PLA2G4D: variants seen among roughly 807,000 people sequenced by gnomAD.
The protein encoded by PLA2G4D is phospholipase A2 group IVD, also known as cytosolic phospholipase A2 delta.
Under a neutral mutation model 94.4 loss-of-function variants are expected in PLA2G4D, and 80 were observed. The observed-to-expected ratio is 0.85, with a 90% CI of 0.71 to 1.02. The LOEUF is 1.02. Among genes scored for constraint, PLA2G4D ranks in the 50% least tolerant of loss-of-function variants. The pLI, the probability that PLA2G4D is intolerant of heterozygous loss-of-function variation, is 0.00. For missense variants in PLA2G4D, 1,050 were observed against 1,034.7 expected, an observed-to-expected ratio of 1.01 and a Z score of -0.20; for synonymous variants, 438 against 440.9, an observed-to-expected ratio of 0.99 and a Z score of 0.08.
rs1044369099 is a variant in PLA2G4D, at chr15:42,082,199, T to G, written c.783+80A>C. ...CGCCTGCCTTGGCCTCCCAAAGTGC[T>G]GGGATTACAGGCTTGAGCCACAGAG... On this transcript the variant is annotated intron_variant, in intron 9 of 19. Transcript: ENST00000290472. The G allele has an allele frequency of 6.3e-6, 8 of 1,261,128 alleles. No homozygotes were observed. In the Admixed American group the frequency reaches 1.5e-4, roughly 24 times the overall value. The allele number at this position is 1,261,128 out of a possible 1,614,324, so 78.1% of individuals were successfully genotyped here. A position where few individuals can be genotyped will look rare whatever the true frequency, so the allele number is the denominator to read the frequency against.
intron 13 of PLA2G4D, among the ~76,000 whole-genome samples, chr15:42,078,748 C>T (rs1249454364): frequency 6.6e-6 from 1 of 152,084 alleles, no homozygotes; most frequent in Non-Finnish European, 1.5e-5. Context: ...AAAGATGAGT[C>T]CTTCTGCTAC....
Position 42,070,630 on chromosome 15 carries a change from G to A in PLA2G4D, c.2043+87C>T. 2.1e-6 allele frequency: 3 copies of A among 1,422,794 alleles called. No individual in the cohort carries two copies. In the South Asian group the frequency reaches 4.1e-5, roughly 20 times the overall value. 88.1% of individuals were successfully genotyped at this position (1,422,794 alleles called of 1,614,324 possible). A position where few individuals can be genotyped will look rare whatever the true frequency, so the allele number is the denominator to read the frequency against. ...TCCTTCCCTTCGGGACCCCGGCGGT[G>A]TGGGGCAGGGGCTCAGTGGCCCTGC... On this transcript the variant is annotated intron_variant, in intron 18 of 19. Coordinates refer to ENST00000290472, the MANE Select transcript of PLA2G4D (RefSeq NM_178034.4).
intron 13 of PLA2G4D, among the ~76,000 whole-genome samples, chr15:42,073,845 C>G (rs185287165): frequency 4.6e-5 from 7 of 152,192 alleles, no homozygotes; most frequent in African/African-American, 1.7e-4. Flanking sequence ...ACTCAACACA[C>G]CCAGTGTGTG....
intron 15 of PLA2G4D, 109 bp downstream of exon 15, chr15:42,071,665 C>T: frequency 8.0e-7 from 1 of 1,247,306 alleles, no homozygotes; most frequent in South Asian, 1.3e-5. Flanking sequence ...TCCCCCCCGC[C>T]ACCCCTCCCC....
At chr15:42,072,062 G>A in intron 14 of PLA2G4D, 151 bp from the exon 15 acceptor site, 1 of 1,152,558 alleles carries the variant, frequency 8.7e-7, no homozygotes, top group Admixed American at 2.5e-5. Flanking sequence ...GGGCAGTCCT[G>A]GACTGACCAC....
rs766590692 is a variant in PLA2G4D, at chr15:42,094,512, TCTGG to T, written c.-57_-54del. The T allele has an allele frequency of 6.8e-6, 11 of 1,608,696 alleles. No homozygotes were observed. Among genetic ancestry groups the T allele is most frequent in the Non-Finnish European group, 9.4e-6 (11 of 1,175,572 alleles). On this transcript the variant is annotated 5_prime_UTR_variant, in exon 1 of 20. The change abolishes the stop of an existing upstream ORF in the 5' untranslated region. Transcript: ENST00000290472. ...CCAGCCCTTGCCAAGATGCTGGCTC[TCTGG>T]CTGAGTGGCAGCGACGGTCCCAGTG...
rs763722519 is a variant in PLA2G4D, at chr15:42,087,621, TACTC to T, written c.118+3_118+6del. 6.2e-7 allele frequency: 1 copy of T among 1,614,110 alleles called. No homozygotes were observed. Among genetic ancestry groups the T allele is most frequent in the South Asian group, 1.1e-5 (1 of 91,078 alleles). ...CTCCCGACAGAGCGCACAGGGCGGT[TACTC>T]ACACAGGTCAGCCCAGCGCAGGTTC... On this transcript the variant is annotated splice_donor_5th_base_variant and intron_variant, in intron 2 of 19. Transcript: ENST00000290472.
At chr15:42,090,402 G>T (rs577051671) in intron 1 of PLA2G4D, among the ~76,000 whole-genome samples, 2 of 152,228 alleles carry the variant, frequency 1.3e-5, no homozygotes, top group Non-Finnish European at 2.9e-5. Flanking sequence ...GGCTGGGAAC[G>T]CATGAAAGAG....
At position 42,080,993 on chromosome 15, in the gene PLA2G4D, T is replaced by C. The variant is rs772709773; in HGVS notation, c.1094+4A>G. On this transcript the variant is annotated splice_donor_region_variant and intron_variant, in intron 12 of 19. Transcript: ENST00000290472. ...TCTGCCACCCAGTCCCCCAGGATCC[T>C]CACCACGTAGAGCCAGAGATGCCAC... The C allele has an allele frequency of 6.2e-7, 1 of 1,613,454 alleles. No individual in the cohort carries two copies. The highest frequency in any genetic ancestry group is 1.7e-5 in the Admixed American group (1 of 59,940).
In PLA2G4D at chr15:42,081,755, T is replaced by C. The variant is rs774459216; in HGVS notation, c.821+42A>G. 1.1e-5 allele frequency: 18 copies of C among 1,613,912 alleles called. No homozygotes were observed. In the East Asian group the frequency reaches 3.8e-4, roughly 34 times the overall value. On this transcript the variant is annotated intron_variant, in intron 10 of 19. Transcript: ENST00000290472. The stretch of plus-strand genomic sequence containing the variant: ...TTGTCCATAGCCCTCCCCTCCTGCA[T>C]GCCCGCCTCTCACTGTCCCCACAGA...
rs1016691702 is a variant in PLA2G4D, at chr15:42,070,304, T to C, written c.2044-209A>G. On this transcript the variant is annotated intron_variant, in intron 18 of 19. Transcript: ENST00000290472. ...TGCAATGTTGTTTGGTTAAAAGCTC[T>C]AGGTGGGGTCAGACCCATCCCCCAG... The C allele has an allele frequency of 1.1e-5, 6 of 551,098 alleles. No individual in the cohort carries two copies. The African/African-American group carries it at 1.2e-4, about 11-fold the overall frequency. The allele number at this position is 551,098 out of a possible 1,614,324, so 34.1% of individuals were successfully genotyped here.
In PLA2G4D at chr15:42,071,083, C is replaced by G. The variant is rs770024184; in HGVS notation, c.1876+40G>C. 1.9e-6 allele frequency: 3 copies of G among 1,592,310 alleles called. No individual in the cohort carries two copies. In the South Asian group the frequency reaches 3.4e-5, roughly 18 times the overall value. ...AGTCCCTGCCACACCACCCAGAGGC[C>G]CAACCTTGTGACCTAGGGACCCCTG... On this transcript the variant is annotated intron_variant, in intron 17 of 19. Coordinates refer to ENST00000290472, the MANE Select transcript of PLA2G4D (RefSeq NM_178034.4).
chr15:42,090,844 A>G (rs1890233897), intron 1 of PLA2G4D, among the ~76,000 whole-genome samples: 1 of 151,990 alleles, frequency 6.6e-6, no homozygotes, highest in Admixed American at 6.6e-5. Flanking sequence ...TAGGACTGCA[A>G]TAATTCAGAT....
At position 42,069,980 on chromosome 15, in the gene PLA2G4D, GCGGGGTCTGA is replaced by G; in HGVS notation, c.2149_2158del (p.Ser717ProfsTer52). ...CAGCAGGATCGGGGCCTCGGGGCAGGCGGGGTCTGAGAAGAGGTGGCATTCCCTTGGCTGG... is the reference window on the plus strand; with the variant it reads ...CAGCAGGATCGGGGCCTCGGGGCAGGGAAGAGGTGGCATTCCCTTGGCTGG... On this transcript the variant is annotated frameshift_variant, in exon 19 of 20. Transcript: ENST00000290472. LOFTEE classifies it high-confidence loss of function. 1 of 1,483,668 alleles carries G rather than the reference GCGGGGTCTGA, an allele frequency of 6.7e-7. No individual in the cohort carries two copies. The highest frequency in any genetic ancestry group is 8.9e-7 in the Non-Finnish European group (1 of 1,121,586). The allele number at this position is 1,483,668 out of a possible 1,614,324, so 91.9% of individuals were successfully genotyped here. A position where few individuals can be genotyped will look rare whatever the true frequency, so the allele number is the denominator to read the frequency against.
At position 42,068,890 on chromosome 15, in the gene PLA2G4D, C is replaced by T. The variant is rs1257347761; in HGVS notation, c.2282G>A (p.Gly761Glu). Reference sequence around the variant, plus strand: ...GGACAGGGTGTAGGGGCAGGTGGCCCCGGTGAGATCCACTTGGCCACCCTG... The same window carrying T: ...GGACAGGGTGTAGGGGCAGGTGGCCTCGGTGAGATCCACTTGGCCACCCTG... The part of the protein sequence containing the change: ...ELQGGQVDLT[G>E]ATCPYTLSNM... The change falls in exon 20 of 20, where the codon GGG (glycine) becomes GAG (glutamate). Residue 761 changes from glycine (G) to glutamate (E), a missense_variant. Transcript: ENST00000290472. 4 of 1,612,994 alleles carry T rather than the reference C, an allele frequency of 2.5e-6. No individual in the cohort carries two copies. The highest frequency in any genetic ancestry group is 3.4e-6 in the Non-Finnish European group (4 of 1,179,890).
At chr15:42,092,114 C>G (rs191363815) in intron 1 of PLA2G4D, among the ~76,000 whole-genome samples, 1 of 152,130 alleles carries the variant, frequency 6.6e-6, no homozygotes, top group Non-Finnish European at 1.5e-5. Context: ...TCACCGCACA[C>G]GGGGAGAGAC....
In PLA2G4D at chr15:42,094,435, G is replaced by C; in HGVS notation, c.25C>G (p.Pro9Ala). 1 of 1,614,090 alleles carries C rather than the reference G, an allele frequency of 6.2e-7. No homozygotes were observed. The highest frequency in any genetic ancestry group is 8.5e-7 in the Non-Finnish European group (1 of 1,179,986). MESLSPGGPPGHPYQGEAS... is the reference protein window; with the variant it reads MESLSPGGAPGHPYQGEAS... ...GTTACCTGGTAAGGGTGGCCAGGTG[G>C]TCCCCCAGGTGACAGGCTCTCCATG... The change falls in exon 1 of 20, where the codon CCA becomes GCA. Residue 9 changes from proline (P) to alanine (A), a missense_variant. Physicochemically the swap from Pro to Ala is conservative, Grantham distance 27. Coordinates refer to ENST00000290472, the MANE Select transcript of PLA2G4D (RefSeq NM_178034.4).
chr15:42,071,675 C>CCCAGGG, intron 15 of PLA2G4D, 99 bp downstream of exon 15: 1 of 1,407,228 alleles, frequency 7.1e-7, no homozygotes, highest in Non-Finnish European at 9.9e-7. Context: ...CACCCCTCCC[C>CCCAGGG]CTTGTCCTGA....
intron 12 of PLA2G4D, among the ~76,000 whole-genome samples, chr15:42,080,389 G>C (rs1163576644): frequency 6.6e-6 from 1 of 152,180 alleles, no homozygotes; most frequent in Non-Finnish European, 1.5e-5. Flanking sequence ...CTAACAGCGG[G>C]ATGCTGCACC....
Sources: gnomAD v4.1 joint callset for allele counts (sites outside exome capture counted in the v4.1 genomes callset) on GRCh38, gnomAD v4.1.1 for gene constraint, MANE v1.5 for transcripts, NCBI Gene and HGNC (gene_info 2026-07-23, HGNC 2026-07-21) for gene names.